The following CA10 variants were observed in gnomAD, a reference collection of about 807,000 sequenced individuals.
CA10 encodes carbonic anhydrase 10 (inactive).
Under a neutral mutation model 44.2 loss-of-function variants are expected in CA10, and 14 were observed. That is an observed-to-expected ratio of 0.32 (90% CI 0.21 to 0.50). The LOEUF is 0.50. Ranked by LOEUF, CA10 falls within the 20% of genes least tolerant of loss-of-function variation. The pLI is 0.99. For synonymous variants in CA10, 159 were observed against 141.6 expected (o/e 1.12, Z -0.87); for missense variants, 350 against 409.7 (o/e 0.85, Z 1.26).
intron 3 of CA10, among the ~76,000 whole-genome samples, chr17:51,780,096 T>C (rs971234564): frequency 6.6e-5 from 10 of 152,232 alleles, no homozygotes; most frequent in African/African-American, 2.4e-4. Flanking sequence ...TAGAGTGTAA[T>C]CATAGACATT....
intron 1 of CA10, among the ~76,000 whole-genome samples, chr17:52,121,420 A>C (rs1310993732): frequency 6.6e-6 from 1 of 152,098 alleles, no homozygotes; most frequent in African/African-American, 2.4e-5. Context: ...AAAAAAAAAG[A>C]CTTCTGCTTA....
rs189987503 is a variant in CA10, at chr17:52,017,748, C to T, written c.136+54571G>A. On this transcript the variant is annotated intron_variant, in intron 2 of 8. Coordinates refer to ENST00000451037, the MANE Select transcript of CA10 (RefSeq NM_020178.5). Reference sequence around the variant, plus strand: ...AGAATAGACCAAGCAGGCTGTGGAGCAACCACTTGCTAGAGACATTCACAT... The same window carrying T: ...AGAATAGACCAAGCAGGCTGTGGAGTAACCACTTGCTAGAGACATTCACAT... 2.1e-3 allele frequency among the ~76,000 whole-genome samples: 324 copies of T among 152,196 alleles called. 2 individuals carry two copies. Among genetic ancestry groups the T allele is most frequent in the Admixed American group, 6.2e-3 (95 of 15,282 alleles).
At chr17:52,143,829 C>A (rs1234608568) in intron 1 of CA10, among the ~76,000 whole-genome samples, 2 of 152,136 alleles carry the variant, frequency 1.3e-5, no homozygotes, top group Non-Finnish European at 2.9e-5. Context: ...CACAAAAAAA[C>A]CAAACACTGG....
chr17:51,807,480 C>T (rs2143731090), intron 3 of CA10, among the ~76,000 whole-genome samples: 2 of 152,306 alleles, frequency 1.3e-5, no homozygotes, highest in South Asian at 4.1e-4. Flanking sequence ...CTTAGGTCCT[C>T]TAGCTCTTAG....
chr17:51,675,673 G>A (rs890363722), intron 4 of CA10, among the ~76,000 whole-genome samples: 5 of 151,464 alleles, frequency 3.3e-5, no homozygotes, highest in Admixed American at 6.6e-5. Flanking sequence ...CCTAGATTGC[G>A]CCACTGTACT....
chr17:52,072,287 A>G (rs370029720), intron 2 of CA10, 32 bp downstream of exon 2: 332 of 1,424,930 alleles, frequency 2.3e-4, no homozygotes, highest in Non-Finnish European at 3.2e-4. Flanking sequence ...ATTGTTTTTA[A>G]TAAATAAATT....
At chr17:51,944,271 T>C (rs1234051248) in intron 2 of CA10, among the ~76,000 whole-genome samples, 1 of 152,132 alleles carries the variant, frequency 6.6e-6, no homozygotes, top group African/African-American at 2.4e-5. Flanking sequence ...ACCAGGACTA[T>C]CCTGTTTCTG....
chr17:51,659,012 T>C (rs1471169573), intron 4 of CA10, among the ~76,000 whole-genome samples: 1 of 152,158 alleles, frequency 6.6e-6, no homozygotes, highest in Non-Finnish European at 1.5e-5. Flanking sequence ...AAATTTGTGA[T>C]GGTTAATTTT....
intron 1 of CA10, among the ~76,000 whole-genome samples, chr17:52,136,605 CT>C (rs1311987518): frequency 6.6e-6 from 1 of 152,180 alleles, no homozygotes; most frequent in African/African-American, 2.4e-5. Flanking sequence ...CCAGCTTCAG[CT>C]TTTTTGTGTG....
intron 1 of CA10, among the ~76,000 whole-genome samples, chr17:52,102,709 G>T (rs1181109030): frequency 6.6e-6 from 1 of 152,146 alleles, no homozygotes; most frequent in African/African-American, 2.4e-5. Context: ...ACCACTTGCT[G>T]CCTGATTCAT....
At position 51,931,115 on chromosome 17, in the gene CA10, A is replaced by G. The variant is rs1242079590; in HGVS notation, c.154T>C (p.Leu52=). 1 of 1,613,380 alleles carries G rather than the reference A, an allele frequency of 6.2e-7. No homozygotes were observed. The highest frequency in any genetic ancestry group is 2.2e-5 in the East Asian group (1 of 44,858). The change falls in exon 3 of 9, where the codon TTG becomes CTG. Residue 52 remains leucine (L), a synonymous_variant. Transcript: ENST00000451037. ...CAAAGATTCCAAGCTGAGTTCACCA[A>G]TCCCCAGAAAGAAGGAACTAGAAAC... ...SFVPVPSFWG[L]VNSAWNLCSV...
At chr17:51,841,448 C>T (rs1978319057) in intron 3 of CA10, among the ~76,000 whole-genome samples, 1 of 152,184 alleles carries the variant, frequency 6.6e-6, no homozygotes, top group Non-Finnish European at 1.5e-5. Flanking sequence ...GTGCTCATGG[C>T]AGTGTTTCTG....
At chr17:51,810,979 T>C (rs1431154333) in intron 3 of CA10, among the ~76,000 whole-genome samples, 1 of 152,186 alleles carries the variant, frequency 6.6e-6, no homozygotes, top group East Asian at 1.9e-4. Context: ...GCAGATTACC[T>C]GAGGTCAGGA....
intron 1 of CA10, among the ~76,000 whole-genome samples, chr17:52,112,852 A>G (rs1988815102): frequency 6.6e-6 from 1 of 152,172 alleles, no homozygotes; most frequent in Non-Finnish European, 1.5e-5. Flanking sequence ...TAAGTTTGGA[A>G]TGTCTCTCCA....
chr17:52,158,778 G>A (rs1409081563), upstream of CA10: 1 of 152,896 alleles, frequency 6.5e-6, no homozygotes, highest in Admixed American at 6.5e-5. Flanking sequence ...GAGAGGAGGA[G>A]GACAGGTGGG....
Position 51,669,731 on chromosome 17 carries a change from C to T in CA10, c.466-15995G>A, listed in dbSNP as rs763422084. Among the ~76,000 whole-genome samples the T allele has an allele frequency of 5.3e-5, 8 of 152,206 alleles. No individual in the cohort carries two copies. In the East Asian group the frequency reaches 1.4e-3, roughly 26 times the overall value. ...TTCACTCCTGAAGCCAGTAAGACCA[C>T]GAACCCACCAGAAGGAAGAAACTCT... is the stretch of plus-strand genomic sequence containing the variant. On this transcript the variant is annotated intron_variant, in intron 4 of 8. Coordinates refer to ENST00000451037, the MANE Select transcript of CA10 (RefSeq NM_020178.5).
intron 3 of CA10, among the ~76,000 whole-genome samples, chr17:51,813,326 G>A (rs1252820920): frequency 2.6e-5 from 4 of 152,204 alleles, no homozygotes; most frequent in Non-Finnish European, 5.9e-5. Flanking sequence ...GCACACCTAC[G>A]GTGCAGGTTT....
intron 2 of CA10, among the ~76,000 whole-genome samples, chr17:51,980,363 C>A (rs1984612741): frequency 6.6e-6 from 1 of 152,026 alleles, no homozygotes; most frequent in South Asian, 2.1e-4. Context: ...CCTTTGCCCA[C>A]TTTTTAATGG....
chr17:52,090,354 G>C (rs1328790044), intron 1 of CA10, among the ~76,000 whole-genome samples: 3 of 152,082 alleles, frequency 2.0e-5, no homozygotes, highest in Non-Finnish European at 4.4e-5. Context: ...TACTTGCAGA[G>C]ATATCAAAAC....
Sources: allele counts gnomAD v4.1 joint callset (sites outside exome capture counted in the v4.1 genomes callset), GRCh38; gene constraint gnomAD v4.1.1; transcripts MANE v1.5; gene names NCBI Gene and HGNC (gene_info 2026-07-23, HGNC 2026-07-21).